Variants in PDCD6IP observed in about 807,000 individuals in gnomAD.
The protein encoded by PDCD6IP is programmed cell death 6-interacting protein.
Under a neutral mutation model 103.7 loss-of-function variants are expected in PDCD6IP, and 43 were observed. That is an observed-to-expected ratio of 0.41 (90% CI 0.32 to 0.53). The LOEUF is 0.53. Among genes scored for constraint, PDCD6IP ranks in the 20% least tolerant of loss-of-function variants. The pLI, the probability that PDCD6IP is intolerant of heterozygous loss-of-function variation, is 0.16. For synonymous variants in PDCD6IP, 354 were observed against 378.7 expected, an observed-to-expected ratio of 0.93 and a Z score of 0.76; for missense variants, 871 against 1,036.7, an observed-to-expected ratio of 0.84 and a Z score of 2.20.
chr3:33,857,902 C>G (rs1697864105), intron 15 of PDCD6IP, among the ~76,000 whole-genome samples: 1 of 152,164 alleles, frequency 6.6e-6, no homozygotes. Context: ...ACAAATGTCA[C>G]TGTCAGCACT....
intron 9 of PDCD6IP, among the ~76,000 whole-genome samples, chr3:33,840,399 A>G (rs1297347717): frequency 1.3e-5 from 2 of 152,206 alleles, no homozygotes; most frequent in Non-Finnish European, 2.9e-5. Context: ...GAAAGTCCAC[A>G]GGTACACGGA....
intron 4 of PDCD6IP, among the ~76,000 whole-genome samples, chr3:33,822,302 A>G (rs1038807756): frequency 3.9e-5 from 6 of 152,232 alleles, no homozygotes; most frequent in Non-Finnish European, 5.9e-5. Context: ...CACCTAGCAC[A>G]GTGCCTGGCA....
Position 33,836,068 on chromosome 3 carries a change from G to T in PDCD6IP, c.859G>T (p.Val287Leu). The T allele has an allele frequency of 1.2e-6, 2 of 1,605,578 alleles. No homozygotes were observed. Among genetic ancestry groups the T allele is most frequent in the Non-Finnish European group, 1.7e-6 (2 of 1,172,662 alleles). ...LQHAAELIKT[V>L]ASRYDEYVNV... ...GCATGCAGCAGAACTGATTAAAACA[G>T]TGGCATCTCGCTATGATGAATATGT... Residue 287 changes from valine to leucine, a missense_variant, in exon 8 of 18, where the codon GTG becomes TTG. Val to Leu is a conservative substitution (Grantham distance 32). Transcript: ENST00000307296.
Position 33,866,869 on chromosome 3 carries a change from T to C in PDCD6IP, c.*344T>C, listed in dbSNP as rs532435958. The stretch of plus-strand genomic sequence containing the variant: ...TTGGGACATCAGATACTTACAAAGA[T>C]GGTTTAAGTATGGATACTAGAGAAA... On this transcript the variant is annotated 3_prime_UTR_variant, in exon 18 of 18. Transcript: ENST00000307296. The C allele has an allele frequency of 2.7e-5, 5 of 187,814 alleles. No individual in the cohort carries two copies. Among genetic ancestry groups the C allele is most frequent in the Non-Finnish European group, 5.4e-5 (5 of 92,034 alleles). 11.6% of individuals were successfully genotyped at this position (187,814 alleles called of 1,614,324 possible). A position where few individuals can be genotyped will look rare whatever the true frequency, so the allele number is the denominator to read the frequency against.
chr3:33,822,900 A>C (rs1026049881), intron 4 of PDCD6IP, among the ~76,000 whole-genome samples: 1 of 151,894 alleles, frequency 6.6e-6, no homozygotes, highest in Non-Finnish European at 1.5e-5. Flanking sequence ...ATCATGATCC[A>C]CCCACCTCGG....
In PDCD6IP at chr3:33,852,586, G is replaced by A. The variant is rs1240692360; in HGVS notation, c.1740G>A (p.Met580Ile). 3 of 1,596,566 alleles carry A rather than the reference G, an allele frequency of 1.9e-6. No individual in the cohort carries two copies. Among genetic ancestry groups the A allele is most frequent in the Non-Finnish European group, 2.6e-6 (3 of 1,174,926 alleles). The change falls in exon 13 of 18, where the codon ATG (methionine) becomes ATA (isoleucine). Residue 580 changes from methionine (M) to isoleucine (I), a missense_variant. Physicochemically the swap from Met to Ile is conservative, Grantham distance 10. This residue lies in a region of PDCD6IP where 266 missense variants were observed against 390.5 expected (regional missense o/e 0.68). Transcript: ENST00000307296. ...ENDLKSVNFD[M>I]TSKFLTALAQ... Reference sequence around the variant, plus strand: ...ACTTGAAATCTGTGAATTTTGACATGACAAGCAAGTTTTTGACAGCCCTGG... The same window carrying A: ...ACTTGAAATCTGTGAATTTTGACATAACAAGCAAGTTTTTGACAGCCCTGG...
chr3:33,826,839 C>G, intron 6 of PDCD6IP: 1 of 1,232,404 alleles, frequency 8.1e-7, no homozygotes, highest in Non-Finnish European at 1.0e-6. Context: ...AAAATGTTGA[C>G]CATCTGTTTT....
chr3:33,826,616 G>A lies in PDCD6IP; in HGVS notation c.717+36G>A, dbSNP rs756276177. On this transcript the variant is annotated intron_variant, in intron 6 of 17. Transcript: ENST00000307296. ...GTTTTTATAAACACTTGCTTACTTT[G>A]CATGTGAAATATTTAGACTTTTTTG... 5 of 1,607,764 alleles carry A rather than the reference G, an allele frequency of 3.1e-6. No individual in the cohort carries two copies. In the East Asian group the frequency reaches 9.0e-5, roughly 29 times the overall value.
intron 3 of PDCD6IP, among the ~76,000 whole-genome samples, chr3:33,818,035 G>A (rs1208507946): frequency 4.7e-5 from 7 of 149,220 alleles, no homozygotes; most frequent in Non-Finnish European, 1.0e-4. Context: ...AATAGACTGA[G>A]ATATGTATCC....
intron 15 of PDCD6IP, 56 bp downstream of exon 15, chr3:33,855,316 T>C: frequency 1.5e-5 from 17 of 1,100,954 alleles, no homozygotes; most frequent in East Asian, 2.4e-5. Flanking sequence ...TAAAAAATCA[T>C]GTAGAGACTT....
intron 7 of PDCD6IP, among the ~76,000 whole-genome samples, chr3:33,835,710 ACT>A (rs1286847960): frequency 2.0e-5 from 3 of 151,460 alleles, no homozygotes; most frequent in Non-Finnish European, 4.4e-5. Context: ...ACAGAGTGAG[ACT>A]CTGTCTAAAA....
At chr3:33,816,235 G>A (rs1411760076) in intron 3 of PDCD6IP, among the ~76,000 whole-genome samples, 1 of 152,106 alleles carries the variant, frequency 6.6e-6, no homozygotes, top group Non-Finnish European at 1.5e-5. Flanking sequence ...GGCCGGGTGC[G>A]GTGGCTCACG....
At chr3:33,803,420 C>T (rs1324998134) in intron 1 of PDCD6IP, among the ~76,000 whole-genome samples, 1 of 152,018 alleles carries the variant, frequency 6.6e-6, no homozygotes, top group Non-Finnish European at 1.5e-5. Context: ...GTTTACTGGC[C>T]ACTTTGTTTC....
chr3:33,825,985 G>A (rs2125556730), intron 5 of PDCD6IP, among the ~76,000 whole-genome samples: 1 of 152,180 alleles, frequency 6.6e-6, no homozygotes, highest in African/African-American at 2.4e-5. Flanking sequence ...GAGGGAATAA[G>A]AATAATTCTT....
In PDCD6IP at chr3:33,832,997, C is replaced by T. The variant is rs150801171; in HGVS notation, c.835-3047C>T. On this transcript the variant is annotated intron_variant, in intron 7 of 17. Coordinates refer to ENST00000307296, the MANE Select transcript of PDCD6IP (RefSeq NM_013374.6). ...GAATCATTGAACTTCTGTTACCCAACTTAAGTGATTATCAGTATTTCGCTA... is the reference window on the plus strand; with the variant it reads ...GAATCATTGAACTTCTGTTACCCAATTTAAGTGATTATCAGTATTTCGCTA... Among the ~76,000 whole-genome samples, 766 of 152,178 alleles carry T rather than the reference C, an allele frequency of 5.0e-3. 4 individuals are homozygous for T. The highest frequency in any genetic ancestry group is 8.9e-3 in the Non-Finnish European group (606 of 67,980).
At chr3:33,810,333 T>C (rs935308573) in intron 1 of PDCD6IP, among the ~76,000 whole-genome samples, 3 of 152,200 alleles carry the variant, frequency 2.0e-5, no homozygotes, top group Non-Finnish European at 2.9e-5. Context: ...TGCTTAGCCA[T>C]TGGGAGCCCC....
At chr3:33,849,826 C>T (rs1323499199) in intron 12 of PDCD6IP, among the ~76,000 whole-genome samples, 2 of 152,270 alleles carry the variant, frequency 1.3e-5, no homozygotes, top group South Asian at 2.1e-4. Flanking sequence ...AACTAGTGTA[C>T]TGCATATGAA....
intron 7 of PDCD6IP, among the ~76,000 whole-genome samples, chr3:33,832,470 T>C (rs1697264412): frequency 6.6e-6 from 1 of 152,194 alleles, no homozygotes; most frequent in Non-Finnish European, 1.5e-5. Context: ...AAAATATAAA[T>C]ATGTCTGTAA....
At chr3:33,829,914 A>C (rs1697210823) in intron 7 of PDCD6IP, among the ~76,000 whole-genome samples, 1 of 152,170 alleles carries the variant, frequency 6.6e-6, no homozygotes, top group Admixed American at 6.5e-5. Context: ...GAAAGGCAAG[A>C]GAGTGCTAGT....
Sources: allele counts gnomAD v4.1 joint callset (sites outside exome capture counted in the v4.1 genomes callset), GRCh38; gene constraint gnomAD v4.1.1; regional missense constraint gnomAD v4.1.1; transcripts MANE v1.5; gene names NCBI Gene and HGNC (gene_info 2026-07-23, HGNC 2026-07-21).